FLT3LG: variants seen among roughly 807,000 people sequenced by gnomAD.
FLT3LG encodes the protein fms related receptor tyrosine kinase 3 ligand.
FLT3LG carries 8 observed loss-of-function variants against 30.9 expected under a neutral mutation model. The observed-to-expected ratio is 0.26, with a 90% CI of 0.15 to 0.47. FLT3LG has a LOEUF of 0.47. Ranked by LOEUF, FLT3LG falls within the 20% of genes least tolerant of loss-of-function variation. FLT3LG has a pLI of 0.99. For synonymous variants in FLT3LG, 123 were observed against 135.9 expected, an observed-to-expected ratio of 0.91 and a Z score of 0.66; for missense variants, 278 against 306.2, an observed-to-expected ratio of 0.91 and a Z score of 0.69.
intron 2 of FLT3LG, among the ~76,000 whole-genome samples, chr19:49,475,382 G>A (rs1280830820): frequency 6.6e-6 from 1 of 151,436 alleles, no homozygotes; most frequent in African/African-American, 2.4e-5. Flanking sequence ...GACAGAGCTG[G>A]AGGAACCCGG....
At chr19:49,484,624 G>A (rs1203697305) in intron 8 of FLT3LG, among the ~76,000 whole-genome samples, 1 of 151,946 alleles carries the variant, frequency 6.6e-6, no homozygotes. Flanking sequence ...AGCCTCCTGA[G>A]TAGCTGGGAT....
intron 8 of FLT3LG, among the ~76,000 whole-genome samples, chr19:49,484,308 T>G (rs569782731): frequency 4.1e-5 from 6 of 147,390 alleles, no homozygotes; most frequent in Non-Finnish European, 9.0e-5. Context: ...TTTTTTTTTT[T>G]TGTGAGACAG....
At chr19:49,484,292 T>C (rs551642245) in intron 8 of FLT3LG, among the ~76,000 whole-genome samples, 88 of 143,756 alleles carry the variant, frequency 6.1e-4, no homozygotes, top group Non-Finnish European at 3.0e-4. Flanking sequence ...ATTATAATTT[T>C]TTTTTTTTTT....
chr19:49,476,272 A>C lies in FLT3LG; in HGVS notation c.198+74A>C, dbSNP rs894584470. The C allele has an allele frequency of 5.5e-6, 8 of 1,461,708 alleles. No individual in the cohort carries two copies. The East Asian group carries it at 1.4e-4, about 25-fold the overall frequency. 90.5% of individuals were successfully genotyped at this position (1,461,708 alleles called of 1,614,324 possible). ...CAAGATGCTCCACCGAGGCGAGTGG[A>C]TAACCAGGCCCTCCCCTCCCCAAAC... On this transcript the variant is annotated intron_variant, in intron 4 of 8. Transcript: ENST00000597551. This position sits in a 1 kb window ranked among gnomAD's most constrained non-coding sequence, Gnocchi z 5.3.
rs907318314 is a variant in FLT3LG, at chr19:49,476,921, C to T, written c.342+355C>T. Among the ~76,000 whole-genome samples the T allele has an allele frequency of 1.3e-5, 2 of 151,232 alleles. No individual in the cohort carries two copies. Among genetic ancestry groups the T allele is most frequent in the Non-Finnish European group, 3.0e-5 (2 of 67,720 alleles). ...TAGCACTTTGGGAGGCTGAGGTGGG[C>T]GGATCACTTGAGGTCAGGAGTTTGA... On this transcript the variant is annotated intron_variant, in intron 5 of 8. Transcript: ENST00000597551. This position sits in a 1 kb window ranked among gnomAD's most constrained non-coding sequence, Gnocchi z 5.3.
chr19:49,483,793 G>A (rs1018302165), intron 8 of FLT3LG, among the ~76,000 whole-genome samples: 3 of 138,462 alleles, frequency 2.2e-5, no homozygotes, highest in Non-Finnish European at 4.5e-5. Flanking sequence ...TGATTGCTAA[G>A]ACCGGTATCT....
In FLT3LG at chr19:49,478,926, T is replaced by C; in HGVS notation, c.360T>C (p.Leu120=). 6.5e-7 allele frequency: 1 copy of C among 1,545,774 alleles called. No individual in the cohort carries two copies. Among genetic ancestry groups the C allele is most frequent in the South Asian group, 1.2e-5 (1 of 83,392 alleles). The change falls in exon 6 of 9, where the codon CTT becomes CTC. Residue 120 remains leucine (L), a synonymous_variant. Coordinates refer to ENST00000597551, the MANE Select transcript of FLT3LG (RefSeq NM_001459.4). ...GCTCCCAGCCCCCCCCCAGCTGTCT[T>C]CGCTTCGTCCAGACCAACATCTCCC... is the stretch of plus-strand genomic sequence containing the variant. ...KCAFQPPPSC[L]RFVQTNISRL... is the part of the protein sequence containing the mutation.
In FLT3LG at chr19:49,476,308, G is replaced by A. The variant is rs570181997; in HGVS notation, c.198+110G>A. 6.9e-7 allele frequency: 1 copy of A among 1,450,184 alleles called. No homozygotes were observed. Among genetic ancestry groups the A allele is most frequent in the African/African-American group, 1.4e-5 (1 of 71,668 alleles). The allele number at this position is 1,450,184 out of a possible 1,614,324, so 89.8% of individuals were successfully genotyped here. Reference sequence around the variant, plus strand: ...CTCCCCTCCCCAAACCCAGGAATCAGAGTCCTCAGCCCCTCCTCCCTCAGA... The same window carrying A: ...CTCCCCTCCCCAAACCCAGGAATCAAAGTCCTCAGCCCCTCCTCCCTCAGA... On this transcript the variant is annotated intron_variant, in intron 4 of 8. Coordinates refer to ENST00000597551, the MANE Select transcript of FLT3LG (RefSeq NM_001459.4). The surrounding 1 kb of genome is among the most constrained non-coding windows in gnomAD (Gnocchi z 5.3).
rs1305066793 is a variant in FLT3LG at position 49,478,928 on chromosome 19, G to A, written c.362G>A (p.Arg121His). The A allele has an allele frequency of 2.3e-5, 35 of 1,547,420 alleles. No homozygotes were observed. The highest frequency in any genetic ancestry group is 2.9e-5 in the Non-Finnish European group (33 of 1,145,530). The change falls in exon 6 of 9, where the codon CGC becomes CAC. Residue 121 changes from arginine to histidine, a missense_variant. Around this residue, in one of 3 missense-constraint regions of FLT3LG, gnomAD observed 170 missense variants for 162.0 expected, o/e 1.05. Transcript: ENST00000597551. Reference protein sequence around the residue: ...CAFQPPPSCLRFVQTNISRLL... With the variant: ...CAFQPPPSCLHFVQTNISRLL... The stretch of plus-strand genomic sequence containing the variant: ...TCCCAGCCCCCCCCCAGCTGTCTTC[G>A]CTTCGTCCAGACCAACATCTCCCGC...
At chr19:49,482,787 C>G (rs944968782) in intron 8 of FLT3LG, among the ~76,000 whole-genome samples, 2 of 151,924 alleles carry the variant, frequency 1.3e-5, no homozygotes, top group African/African-American at 4.8e-5. Context: ...GCCATCACGC[C>G]CGGCTAATTT....
intron 6 of FLT3LG, 43 bp downstream of exon 6, chr19:49,479,090 C>CA (rs1235417123): frequency 6.4e-7 from 1 of 1,568,902 alleles, no homozygotes; most frequent in East Asian, 2.4e-5. Context: ...CTCCTGTCCT[C>CA]ACGGCCGCTC....
chr19:49,480,495 G>C lies in FLT3LG; in HGVS notation c.660+19G>C. ...GGAGCAGGTGAGCAGGCTGGGAAGA[G>C]GGGGTGAGGGGGCCGAGAGGGTGGC... On this transcript the variant is annotated intron_variant, in intron 7 of 8. Transcript: ENST00000597551. 2 of 1,595,892 alleles carry C rather than the reference G, an allele frequency of 1.3e-6. No individual in the cohort carries two copies. Among genetic ancestry groups the C allele is most frequent in the Admixed American group, 3.5e-5 (2 of 57,690 alleles).
At chr19:49,480,719 G>A in intron 8 of FLT3LG, 99 bp downstream of exon 8, 2 of 1,270,510 alleles carry the variant, frequency 1.6e-6, no homozygotes, top group Non-Finnish European at 2.2e-6. Flanking sequence ...GAGGGGCAGG[G>A]GCAGCTCTAG....
intron 8 of FLT3LG, among the ~76,000 whole-genome samples, chr19:49,483,113 A>G (rs2079670997): frequency 6.6e-6 from 1 of 151,830 alleles, no homozygotes; most frequent in South Asian, 2.1e-4. Flanking sequence ...CATCCAACGT[A>G]TAGTTTATTT....
Position 49,480,542 on chromosome 19 carries a change from G to A in FLT3LG, c.661-10G>A, listed in dbSNP as rs776474785. The A allele has an allele frequency of 3.1e-6, 5 of 1,612,410 alleles. No homozygotes were observed. The highest frequency in any genetic ancestry group is 4.2e-6 in the Non-Finnish European group (5 of 1,179,428). On this transcript the variant is annotated splice_polypyrimidine_tract_variant and intron_variant, in intron 7 of 8. Transcript: ENST00000597551. ...TGGCCCACTTGTGGCTGACACTTTG[G>A]GGCCCACAGGTGCCCCCCGTCCCCA... is the stretch of plus-strand genomic sequence containing the variant.
In FLT3LG at chr19:49,476,120, G is replaced by A; in HGVS notation, c.145-25G>A. The A allele has an allele frequency of 2.5e-6, 4 of 1,613,710 alleles. No homozygotes were observed. Among genetic ancestry groups the A allele is most frequent in the African/African-American group, 2.7e-5 (2 of 75,004 alleles). On this transcript the variant is annotated intron_variant, in intron 3 of 8. Coordinates refer to ENST00000597551, the MANE Select transcript of FLT3LG (RefSeq NM_001459.4). This position sits in a 1 kb window ranked among gnomAD's most constrained non-coding sequence, Gnocchi z 5.3. Reference sequence around the variant, plus strand: ...TTCTGTTTCTCGCTGTTTTCAGCCAGGCCTGATCCTGTTTTCTCCCGCAGT... The same window carrying A: ...TTCTGTTTCTCGCTGTTTTCAGCCAAGCCTGATCCTGTTTTCTCCCGCAGT...
intron 7 of FLT3LG, 23 bp downstream of exon 7, chr19:49,480,499 G>A (rs770601845): frequency 1.3e-6 from 2 of 1,597,930 alleles, no homozygotes; most frequent in African/African-American, 1.3e-5. Context: ...GGAAGAGGGG[G>A]TGAGGGGGCC....
In FLT3LG at chr19:49,478,936, C is replaced by T; in HGVS notation, c.370C>T (p.Gln124Ter). Residue 124 changes from glutamine (Q) to a stop codon, truncating the protein, a stop_gained, in exon 6 of 9, where the codon CAG becomes TAG. Coordinates refer to ENST00000597551, the MANE Select transcript of FLT3LG (RefSeq NM_001459.4). LOFTEE classifies it high-confidence loss of function. ...CCCCCCCAGCTGTCTTCGCTTCGTCCAGACCAACATCTCCCGCCTCCTGCA... is the reference window on the plus strand; with the variant it reads ...CCCCCCCAGCTGTCTTCGCTTCGTCTAGACCAACATCTCCCGCCTCCTGCA... The part of the protein sequence containing the change: ...QPPPSCLRFV[Q>*]TNISRLLQET... 6.4e-7 allele frequency: 1 copy of T among 1,559,070 alleles called. No individual in the cohort carries two copies. Among genetic ancestry groups the T allele is most frequent in the Non-Finnish European group, 8.7e-7 (1 of 1,151,460 alleles).
intron 2 of FLT3LG, among the ~76,000 whole-genome samples, chr19:49,475,389 C>A (rs531723590): frequency 5.3e-5 from 8 of 150,580 alleles, no homozygotes; most frequent in African/African-American, 2.0e-4. Context: ...CTGGAGGAAC[C>A]CGGGCGAGGA....
Sources: allele counts gnomAD v4.1 joint callset (sites outside exome capture counted in the v4.1 genomes callset), GRCh38; gene constraint gnomAD v4.1.1; regional missense constraint gnomAD v4.1.1; non-coding constraint Gnocchi (gnomAD v3.1); transcripts MANE v1.5; gene names NCBI Gene and HGNC (gene_info 2026-07-23, HGNC 2026-07-21).